The following PRCD variants were observed in gnomAD, a reference collection of about 807,000 sequenced individuals.
PRCD encodes photoreceptor disc component.
PRCD carries 12 observed loss-of-function variants against 10.1 expected under a neutral mutation model. That is an observed-to-expected ratio of 1.18 (90% CI 0.76 to 1.92). The LOEUF is 1.92. PRCD is among the 40% of genes most tolerant of loss of function. The probability of loss-of-function intolerance (pLI) is 0.00; values close to 1 mark genes in which losing one functional copy is unlikely to be tolerated. For synonymous variants in PRCD, 31 were observed against 26.2 expected (o/e 1.18, Z -0.56); for missense variants, 61 against 72.2 (o/e 0.84, Z 0.56).
downstream of PRCD, among the ~76,000 whole-genome samples, chr17:76,548,454 CGAGGAGA>C (rs2075077853): frequency 6.6e-6 from 1 of 152,218 alleles, no homozygotes. Context: ...GAGTGACACT[CGAGGAGA>C]GACAGACCCT....
At chr17:76,529,917 G>A in intron 1 of PRCD, 1 of 985,346 alleles carries the variant, frequency 1.0e-6, no homozygotes, top group Non-Finnish European at 1.2e-6. Flanking sequence ...GGGAGAGGGG[G>A]GAGGGGAGCA....
At chr17:76,542,461 T>C (rs1243774084) in intron 2 of PRCD, 92 bp from the exon 3 acceptor site, 2 of 1,452,896 alleles carry the variant, frequency 1.4e-6, no homozygotes, top group South Asian at 1.1e-5. Context: ...TTGGGGTGAA[T>C]TGATAGGGAT....
chr17:76,538,584 A>T (rs1038040459), upstream of PRCD: 3 of 450,634 alleles, frequency 6.7e-6, no homozygotes, highest in Non-Finnish European at 1.4e-5. Context: ...GATAGGGCAG[A>T]CAGGACCTGG....
rs1025872809 is a variant in PRCD at position 76,529,076 on chromosome 17, G to A, written n.45+1243G>A. On this transcript the variant is annotated intron_variant and non_coding_transcript_variant, in intron 1 of 4. Coordinates refer to the PRCD transcript ENST00000397633. ...CCCCACCCCCCACCCACGCAAAGGC[G>A]CACACCCTGGAGCAGAGACGGCTCA... The A allele has an allele frequency of 2.7e-5, 25 of 909,170 alleles. No homozygotes were observed. The Admixed American group carries it at 4.7e-4, about 17-fold the overall frequency. The allele number at this position is 909,170 out of a possible 1,614,324, so 56.3% of individuals were successfully genotyped here.
chr17:76,546,251 TGC>T (rs2143191339), downstream of PRCD: 1 of 152,320 alleles, frequency 6.6e-6, no homozygotes, highest in South Asian at 2.1e-4. The surrounding 1 kb of genome is among the most constrained non-coding windows in gnomAD (Gnocchi z 4.5). Context: ...GTGCTGCTCC[TGC>T]AACTGAGGCT....
chr17:76,534,122 C>A (rs138925195), intron 1 of PRCD, among the ~76,000 whole-genome samples: 1 of 147,316 alleles, frequency 6.8e-6, no homozygotes, highest in Non-Finnish European at 1.5e-5. Flanking sequence ...TTCTTTCTTT[C>A]TTTCTTTCTC....
downstream of PRCD, chr17:76,545,835 C>T (rs778113784): frequency 2.3e-5 from 4 of 173,548 alleles, no homozygotes; most frequent in Admixed American, 5.4e-5. Flanking sequence ...AGATTCAGGA[C>T]GGCTAGAGTT....
chr17:76,546,425 G>C (rs1440127893), downstream of PRCD: 1 of 22,070 alleles, frequency 4.5e-5, no homozygotes, highest in Non-Finnish European at 1.6e-4. This position sits in a 1 kb window ranked among gnomAD's most constrained non-coding sequence, Gnocchi z 4.5. Flanking sequence ...CCCATTCCAA[G>C]TGTGCGGTTG....
At chr17:76,539,396 T>C (rs2074960398), upstream of PRCD, among the ~76,000 whole-genome samples, 1 of 152,262 alleles carries the variant, frequency 6.6e-6, no homozygotes, top group Non-Finnish European at 1.5e-5. Flanking sequence ...AATTTGTAAG[T>C]GGCTGCACCT....
chr17:76,537,274 C>T, upstream of PRCD: 1 of 1,158,194 alleles, frequency 8.6e-7, no homozygotes, highest in South Asian at 1.9e-5. Context: ...CTCCGCCGAC[C>T]TCGGACCGGC....
At chr17:76,535,925 CA>C (rs2143113158), upstream of PRCD, among the ~76,000 whole-genome samples, 1 of 152,346 alleles carries the variant, frequency 6.6e-6, no homozygotes, top group Admixed American at 6.5e-5. Flanking sequence ...CATGGTGACC[CA>C]TGAGTGTGCC....
downstream of PRCD, chr17:76,550,333 C>A (rs564915880): frequency 5.3e-5 from 8 of 150,174 alleles, no homozygotes; most frequent in African/African-American, 2.0e-4. Context: ...GCGATCTCGG[C>A]TCATTGCAAC....
rs1191500961 is a variant in PRCD at position 76,540,321 on chromosome 17, G to A, written c.74+106G>A. On this transcript the variant is annotated intron_variant, in intron 1 of 4. Coordinates refer to ENST00000592014, the MANE Select transcript of PRCD (RefSeq NM_001077620.3). This position sits in a 1 kb window ranked among gnomAD's most constrained non-coding sequence, Gnocchi z 5.0. Reference sequence around the variant, plus strand: ...GGCAGGGGCTGCGTGAACCTTCAGCGGGGCTGGGAGGGCATTTTGAGGAAC... The same window carrying A: ...GGCAGGGGCTGCGTGAACCTTCAGCAGGGCTGGGAGGGCATTTTGAGGAAC... 5.3e-5 allele frequency: 72 copies of A among 1,358,560 alleles called. No homozygotes were observed. Among genetic ancestry groups the A allele is most frequent in the East Asian group, 9.9e-5 (4 of 40,236 alleles). 84.2% of individuals were successfully genotyped at this position (1,358,560 alleles called of 1,614,324 possible). A position where few individuals can be genotyped will look rare whatever the true frequency, so the allele number is the denominator to read the frequency against.
intron 4 of PRCD, 164 bp downstream of exon 4, chr17:76,543,285 G>A (rs889503962): frequency 8.4e-6 from 3 of 355,078 alleles, no homozygotes; most frequent in Non-Finnish European, 1.7e-5. Context: ...CTCCTCTGAG[G>A]GACTGCTGAG....
chr17:76,537,719 T>C (rs1036448269), upstream of PRCD: 54 of 331,116 alleles, frequency 1.6e-4, no homozygotes, highest in African/African-American at 1.1e-3. Context: ...TGTGTGTGCG[T>C]GCGTGTGTGC....
chr17:76,538,687 C>A (rs977121333), upstream of PRCD, among the ~76,000 whole-genome samples: 6 of 152,254 alleles, frequency 3.9e-5, no homozygotes, highest in African/African-American at 1.4e-4. Context: ...GCAAATCCTT[C>A]CTCCTGGTGG....
At chr17:76,541,416 T>C (rs908427498) in intron 2 of PRCD, among the ~76,000 whole-genome samples, 13 of 152,148 alleles carry the variant, frequency 8.5e-5, no homozygotes, top group African/African-American at 3.1e-4. Flanking sequence ...CAGGGAAGAC[T>C]CAGGTGGCGG....
rs1348014627 is a variant in PRCD at position 76,530,108 on chromosome 17, G to A, written n.45+2275G>A. 1 of 983,282 alleles carries A rather than the reference G, an allele frequency of 1.0e-6. No homozygotes were observed. The highest frequency in any genetic ancestry group is 1.2e-6 in the Non-Finnish European group (1 of 829,466). The allele number at this position is 983,282 out of a possible 1,614,324, so 60.9% of individuals were successfully genotyped here. A position where few individuals can be genotyped will look rare whatever the true frequency, so the allele number is the denominator to read the frequency against. On this transcript the variant is annotated intron_variant and non_coding_transcript_variant, in intron 1 of 4. Coordinates refer to the PRCD transcript ENST00000397633. The surrounding 1 kb of genome is among the most constrained non-coding windows in gnomAD (Gnocchi z 6.1). ...TTTTCCATGGGAAACTGCTGGGAAT[G>A]TTTCTCTACCACGGGAATGTTTCTC...
Position 76,540,317 on chromosome 17 carries a change from C to A in PRCD, c.74+102C>A. 7.2e-7 allele frequency: 1 copy of A among 1,388,470 alleles called. No individual in the cohort carries two copies. The highest frequency in any genetic ancestry group is 1.0e-6 in the Non-Finnish European group (1 of 1,001,028). 86.0% of individuals were successfully genotyped at this position (1,388,470 alleles called of 1,614,324 possible). A position where few individuals can be genotyped will look rare whatever the true frequency, so the allele number is the denominator to read the frequency against. ...GGTGGGCAGGGGCTGCGTGAACCTT[C>A]AGCGGGGCTGGGAGGGCATTTTGAG... On this transcript the variant is annotated intron_variant, in intron 1 of 4. Transcript: ENST00000592014. This position sits in a 1 kb window ranked among gnomAD's most constrained non-coding sequence, Gnocchi z 5.0.
Sources: allele counts gnomAD v4.1 joint callset (sites outside exome capture counted in the v4.1 genomes callset), GRCh38; gene constraint gnomAD v4.1.1; non-coding constraint Gnocchi (gnomAD v3.1); transcripts MANE v1.5; gene names NCBI Gene and HGNC (gene_info 2026-07-23, HGNC 2026-07-21).